The following COL4A4 variants were observed in gnomAD, a reference collection of about 807,000 sequenced individuals.
COL4A4 encodes the protein collagen type IV alpha 4 chain.
A neutral mutation model predicts 192.9 loss-of-function variants in COL4A4; 105 were observed. That is an observed-to-expected ratio of 0.54 (90% CI 0.46 to 0.64). COL4A4 has a LOEUF of 0.64. Among genes scored for constraint, COL4A4 ranks in the 30% least tolerant of loss-of-function variants. COL4A4 has a pLI of 0.00. For synonymous variants in COL4A4, 762 were observed against 769.9 expected (o/e 0.99, Z 0.17); for missense variants, 1,967 against 2,169.3 (o/e 0.91, Z 1.85).
At chr2:226,994,257 G>A in the COL4A4 span, among the ~76,000 whole-genome samples, 1 of 152,216 alleles carries the variant, frequency 6.6e-6, no homozygotes, top group Non-Finnish European at 1.5e-5. Flanking sequence ...TGTCCCAGAT[G>A]CTGGGGAGAG....
At chr2:227,050,598 C>T (rs150046413) in intron 33 of COL4A4, among the ~76,000 whole-genome samples, 128 of 152,090 alleles carry the variant, frequency 8.4e-4, no homozygotes, top group Non-Finnish European at 1.4e-3. Context: ...GTTGTGAAGA[C>T]GAAATATATT....
chr2:227,045,490 C>T (rs1972297040), intron 35 of COL4A4, among the ~76,000 whole-genome samples: 1 of 151,562 alleles, frequency 6.6e-6, no homozygotes, highest in African/African-American at 2.4e-5. Flanking sequence ...TATGTCTAGG[C>T]CGGGCACAGT....
chr2:227,045,260 G>T (rs1462051094), intron 35 of COL4A4, among the ~76,000 whole-genome samples: 1 of 151,962 alleles, frequency 6.6e-6, no homozygotes, highest in Non-Finnish European at 1.5e-5. Flanking sequence ...TATGCATAGG[G>T]CCAGTTTACA....
chr2:226,992,077 A>G, the COL4A4 span, among the ~76,000 whole-genome samples: 1 of 152,212 alleles, frequency 6.6e-6, no homozygotes, highest in Non-Finnish European at 1.5e-5. Flanking sequence ...CCTTCGAGAA[A>G]GCCTGCAAAG....
intron 22 of COL4A4, among the ~76,000 whole-genome samples, 153 bp from the exon 23 acceptor site, chr2:227,082,340 A>T (rs1286432158): frequency 6.6e-6 from 1 of 152,186 alleles, no homozygotes; most frequent in Non-Finnish European, 1.5e-5. Flanking sequence ...CTGCCTTCCA[A>T]GGTAGTCCTG....
Position 227,006,700 on chromosome 2 carries a change from C to G in COL4A4, c.*625G>C, listed in dbSNP as rs1962197366. On this transcript the variant is annotated 3_prime_UTR_variant, in exon 48 of 48. Coordinates refer to ENST00000396625, the MANE Select transcript of COL4A4 (RefSeq NM_000092.5). ...TCTCTGGAATACGGCGACTGTGGGC[C>G]TTCCTGCCATCATGATTCATTCTCC... 1 of 153,860 alleles carries G rather than the reference C, an allele frequency of 6.5e-6. No homozygotes were observed. Among genetic ancestry groups the G allele is most frequent in the Non-Finnish European group, 1.4e-5 (1 of 69,298 alleles). 9.5% of individuals were successfully genotyped at this position (153,860 alleles called of 1,614,324 possible). A position where few individuals can be genotyped will look rare whatever the true frequency, so the allele number is the denominator to read the frequency against.
chr2:227,089,821 C>T, intron 21 of COL4A4, 47 bp downstream of exon 21: 1 of 1,455,462 alleles, frequency 6.9e-7, no homozygotes, highest in Non-Finnish European at 9.6e-7. Context: ...CCCCGATCAT[C>T]CATGTACAGT....
intron 7 of COL4A4, among the ~76,000 whole-genome samples, chr2:227,115,571 C>G (rs563360928): frequency 2.6e-5 from 4 of 151,798 alleles, no homozygotes; most frequent in Admixed American, 2.6e-4. Flanking sequence ...TGTGCCCGGC[C>G]CCTACTTCAA....
the COL4A4 span, among the ~76,000 whole-genome samples, chr2:226,994,540 G>A: frequency 1.3e-5 from 2 of 152,318 alleles, no homozygotes; most frequent in Admixed American, 6.5e-5. Context: ...ACCAAGGTTA[G>A]CAGAGCTATA....
At chr2:227,144,809 C>A (rs556067516) in intron 2 of COL4A4, among the ~76,000 whole-genome samples, 3 of 152,018 alleles carry the variant, frequency 2.0e-5, no homozygotes, top group Non-Finnish European at 4.4e-5. Flanking sequence ...TGCTGGGGAC[C>A]GTGAGGACCC....
intron 24 of COL4A4, among the ~76,000 whole-genome samples, chr2:227,079,932 A>G (rs1282856548): frequency 6.6e-6 from 1 of 152,118 alleles, no homozygotes; most frequent in African/African-American, 2.4e-5. Flanking sequence ...TATCCACCCA[A>G]CGCATGTCTG....
the COL4A4 span, among the ~76,000 whole-genome samples, chr2:226,977,565 C>T: frequency 6.6e-6 from 1 of 152,140 alleles, no homozygotes; most frequent in Non-Finnish European, 1.5e-5. Flanking sequence ...CAATGGTGAA[C>T]CGTGAAACAC....
At chr2:227,154,044 G>A (rs1451434852) in intron 1 of COL4A4, among the ~76,000 whole-genome samples, 1 of 152,078 alleles carries the variant, frequency 6.6e-6, no homozygotes, top group African/African-American at 2.4e-5. Context: ...GAGGGAAATG[G>A]AACATAAGCA....
At chr2:227,122,053 C>CA (rs1292711354) in intron 4 of COL4A4, among the ~76,000 whole-genome samples, 1 of 152,232 alleles carries the variant, frequency 6.6e-6, no homozygotes, top group East Asian at 1.9e-4. Flanking sequence ...CTCCATGTCA[C>CA]ATTAAATTTA....
chr2:227,007,091 A>C lies in COL4A4; in HGVS notation c.*234T>G. On this transcript the variant is annotated 3_prime_UTR_variant, in exon 48 of 48. Transcript: ENST00000396625. ...TAAAGCCAGTTCTTCGATCATCCTCAGTAAAATAAGAGTATCTAGGCTCCC... is the reference window on the plus strand; with the variant it reads ...TAAAGCCAGTTCTTCGATCATCCTCCGTAAAATAAGAGTATCTAGGCTCCC... 1.6e-6 allele frequency: 1 copy of C among 626,504 alleles called. No homozygotes were observed. The highest frequency in any genetic ancestry group is 2.9e-6 in the Non-Finnish European group (1 of 350,590). The allele number at this position is 626,504 out of a possible 1,614,324, so 38.8% of individuals were successfully genotyped here.
intron 12 of COL4A4, among the ~76,000 whole-genome samples, chr2:227,106,799 G>C (rs10168110): frequency 0.56 from 85,466 of 152,138 alleles, 24,525 homozygotes; most frequent in Middle Eastern, 0.67. Flanking sequence ...CTCCTGACCT[G>C]AGGTGATCCA....
intron 45 of COL4A4, 111 bp from the exon 46 acceptor site, chr2:227,010,612 G>A (rs1963465122): frequency 2.4e-6 from 2 of 818,440 alleles, no homozygotes; most frequent in African/African-American, 1.7e-5. Flanking sequence ...GCAGAGGGGA[G>A]CATGACTCAG....
rs55978207 is a variant in COL4A4 at position 227,022,079 on chromosome 2, C to T, written c.4185G>A (p.Gly1395=). The T allele has an allele frequency of 4.4e-4, 714 of 1,613,970 alleles. No homozygotes were observed. Among genetic ancestry groups the T allele is most frequent in the Non-Finnish European group, 5.3e-4 (626 of 1,179,856 alleles). ...PGMRGPEGAM[G]LPGMRGPSGP... ...CTGAGGGGCCTCTCATTCCAGGGAG[C>T]CCCATGGCTCCTTCTGGTCCTCTCA... The change falls in exon 44 of 48, where the codon GGG becomes GGA. Residue 1395 remains glycine (G), a synonymous_variant. Coordinates refer to ENST00000396625, the MANE Select transcript of COL4A4 (RefSeq NM_000092.5).
At position 227,054,735 on chromosome 2, in the gene COL4A4, G is replaced by A. The variant is rs749931284; in HGVS notation, c.2719C>T (p.Pro907Ser). The change falls in exon 31 of 48, where the codon CCC becomes TCC. Residue 907 changes from proline (P) to serine (S), a missense_variant and splice_region_variant. Transcript: ENST00000396625. ...CCTGGGAAACCAGGCAGCCCCCGGG[G>A]TCCTGGTGAAATGAGAGCATAAAGT... ...GLPGPPGPKG[P>S]RGLPGFPGFP... The A allele has an allele frequency of 1.2e-6, 2 of 1,613,864 alleles. No homozygotes were observed. Among genetic ancestry groups the A allele is most frequent in the South Asian group, 1.1e-5 (1 of 91,052 alleles).
Sources: allele counts gnomAD v4.1 joint callset (sites outside exome capture counted in the v4.1 genomes callset), GRCh38; gene constraint gnomAD v4.1.1; transcripts MANE v1.5; gene names NCBI Gene and HGNC (gene_info 2026-07-23, HGNC 2026-07-21).